SSU72: variants seen among roughly 807,000 people sequenced by gnomAD.
SSU72 encodes RNA polymerase II subunit A C-terminal domain phosphatase SSU72.
In SSU72, 12 loss-of-function variants were observed where a neutral mutation model predicts 22.7. That is an observed-to-expected ratio of 0.53 (90% CI 0.34 to 0.86). The LOEUF is 0.86. SSU72 is among the 40% of genes least tolerant of loss of function. The pLI is 0.02. For synonymous variants in SSU72, 116 were observed against 98.3 expected (o/e 1.18, Z -1.06); for missense variants, 151 against 249.8 (o/e 0.60, Z 2.67).
At chr1:1,571,609 G>T (rs1156548391) in intron 1 of SSU72, among the ~76,000 whole-genome samples, 1 of 152,084 alleles carries the variant, frequency 6.6e-6, no homozygotes, top group Non-Finnish European at 1.5e-5. Flanking sequence ...GCACACCCAA[G>T]AATTCATTAT....
intron 2 of SSU72, among the ~76,000 whole-genome samples, chr1:1,547,784 T>C (rs531159367): frequency 2.6e-5 from 4 of 152,254 alleles, no homozygotes; most frequent in Non-Finnish European, 4.4e-5. Context: ...CTTCAAGTCA[T>C]GGGGAAATCC....
intron 2 of SSU72, chr1:1,562,020 A>T (rs1209099162): frequency 6.6e-6 from 1 of 152,248 alleles, no homozygotes. Flanking sequence ...CCCTCTGTAA[A>T]GGAGGAGCTT....
At position 1,574,561 on chromosome 1, in the gene SSU72, G is replaced by A; in HGVS notation, c.-4C>T. 3 of 1,584,572 alleles carry A rather than the reference G, an allele frequency of 1.9e-6. No individual in the cohort carries two copies. The highest frequency in any genetic ancestry group is 1.1e-5 in the South Asian group (1 of 87,678). On this transcript the variant is annotated 5_prime_UTR_variant, in exon 1 of 5. Transcript: ENST00000291386. ...CCCGCAGCGGGGACGACGGCATGGC[G>A]GCGGCCGCAAATCCCGCGGCTCTCC...
chr1:1,573,272 A>C (rs1370527589), intron 1 of SSU72, among the ~76,000 whole-genome samples: 2 of 151,294 alleles, frequency 1.3e-5, no homozygotes, highest in Non-Finnish European at 2.9e-5. Context: ...ATACAAAAAA[A>C]AAAAAAAATT....
At chr1:1,559,342 G>T (rs1262518599) in intron 2 of SSU72, among the ~76,000 whole-genome samples, 4 of 152,154 alleles carry the variant, frequency 2.6e-5, no homozygotes, top group Non-Finnish European at 4.4e-5. Flanking sequence ...ACGGCCTTGG[G>T]AGACGAAAAG....
At position 1,542,132 on chromosome 1, in the gene SSU72, G is replaced by T. The variant is rs572352802; in HGVS notation, c.519C>A (p.Asp173Glu). The change falls in exon 5 of 5, where the codon GAC (aspartate) becomes GAA (glutamate). Residue 173 changes from aspartate (D) to glutamate (E), a missense_variant. By Grantham distance (45) the Asp-to-Glu change is conservative. Transcript: ENST00000291386. The surrounding 1 kb of genome is among the most constrained non-coding windows in gnomAD (Gnocchi z 4.4). ...TCTCCTCGAACTCCTGCAGCAGCTCGTCGATCTCGTTCTCCATGTCTTCCG... is the reference window on the plus strand; with the variant it reads ...TCTCCTCGAACTCCTGCAGCAGCTCTTCGATCTCGTTCTCCATGTCTTCCG... ...QHTEDMENEI[D>E]ELLQEFEEKS... is the part of the protein sequence containing the mutation. 1.3e-6 allele frequency: 2 copies of T among 1,593,738 alleles called. No individual in the cohort carries two copies. The highest frequency in any genetic ancestry group is 1.7e-6 in the Non-Finnish European group (2 of 1,170,384).
At chr1:1,560,903 C>T (rs1424479972) in intron 2 of SSU72, 2 of 152,232 alleles carry the variant, frequency 1.3e-5, no homozygotes, top group Non-Finnish European at 2.9e-5. Flanking sequence ...AAAACACTGT[C>T]TCGGGCTCAG....
At chr1:1,556,645 C>T (rs1440763650) in intron 2 of SSU72, among the ~76,000 whole-genome samples, 1 of 152,258 alleles carries the variant, frequency 6.6e-6, no homozygotes, top group African/African-American at 2.4e-5. Flanking sequence ...TCATGGCCAT[C>T]TCTGGAGCTG....
At chr1:1,568,554 CG>C (rs1322025069) in intron 1 of SSU72, among the ~76,000 whole-genome samples, 2 of 151,364 alleles carry the variant, frequency 1.3e-5, no homozygotes, top group African/African-American at 4.9e-5. Context: ...CAGTGGGCCC[CG>C]TGATGGTGCC....
chr1:1,549,003 T>C (rs1413695590), intron 2 of SSU72, among the ~76,000 whole-genome samples: 1 of 152,112 alleles, frequency 6.6e-6, no homozygotes, highest in African/African-American at 2.4e-5. Context: ...CCTTGGGCTG[T>C]GACACATACC....
At chr1:1,573,443 AAAAAAAAAAAAAAG>A (rs1642764297) in intron 1 of SSU72, among the ~76,000 whole-genome samples, 1 of 46,348 alleles carries the variant, frequency 2.2e-5, no homozygotes, top group African/African-American at 4.8e-4. Context: ...AAAAAAAAAA[AAAAAAAAAAAAAAG>A]AAAGAAAAGA....
chr1:1,574,078 G>C (rs1411621599), intron 1 of SSU72, among the ~76,000 whole-genome samples: 1 of 151,688 alleles, frequency 6.6e-6, no homozygotes, highest in Non-Finnish European at 1.5e-5. Context: ...ATTAAAAAAA[G>C]AGACCGCTTT....
At chr1:1,562,999 T>C (rs1242840895) in intron 2 of SSU72, 1 of 152,462 alleles carries the variant, frequency 6.6e-6, no homozygotes, top group African/African-American at 2.4e-5. Flanking sequence ...CTCTCCACCG[T>C]GGGACGCCCA....
chr1:1,542,126 C>T lies in SSU72; in HGVS notation c.525G>A (p.Leu175=), dbSNP rs1391040611. 8 of 1,595,470 alleles carry T rather than the reference C, an allele frequency of 5.0e-6. No individual in the cohort carries two copies. In the South Asian group the frequency reaches 9.1e-5, roughly 18 times the overall value. ...TEDMENEIDE[L]LQEFEEKSGR... is the part of the protein sequence containing the mutation. ...CACTCTTCTCCTCGAACTCCTGCAG[C>T]AGCTCGTCGATCTCGTTCTCCATGT... Residue 175 remains leucine, a synonymous_variant, in exon 5 of 5, where the codon CTG becomes CTA. Coordinates refer to ENST00000291386, the MANE Select transcript of SSU72 (RefSeq NM_014188.3). The surrounding 1 kb of genome is among the most constrained non-coding windows in gnomAD (Gnocchi z 4.4).
intron 2 of SSU72, among the ~76,000 whole-genome samples, chr1:1,553,018 CA>C (rs35241878): frequency 0.43 from 40,397 of 93,956 alleles, 5,864 homozygotes; most frequent in East Asian, 0.7. Context: ...GAGACTGTCT[CA>C]AAAAAAAAAA....
At chr1:1,552,374 G>A (rs1642464831) in intron 2 of SSU72, among the ~76,000 whole-genome samples, 1 of 152,242 alleles carries the variant, frequency 6.6e-6, no homozygotes, top group South Asian at 2.1e-4. Context: ...GGGACCGGGA[G>A]GTGCTGGCAG....
chr1:1,568,593 G>A (rs968953727), intron 1 of SSU72, among the ~76,000 whole-genome samples: 2 of 152,016 alleles, frequency 1.3e-5, no homozygotes, highest in African/African-American at 2.4e-5. Context: ...GTGACAAAGT[G>A]AGACTCTGTC....
At chr1:1,556,409 G>A (rs1352700863) in intron 2 of SSU72, among the ~76,000 whole-genome samples, 1 of 152,110 alleles carries the variant, frequency 6.6e-6, no homozygotes, top group Non-Finnish European at 1.5e-5. Context: ...ACGTGGTGGG[G>A]GGCGCCCGTA....
intron 1 of SSU72, among the ~76,000 whole-genome samples, chr1:1,568,269 G>A (rs1046259203): frequency 6.6e-6 from 1 of 152,136 alleles, no homozygotes; most frequent in South Asian, 2.1e-4. Flanking sequence ...TAATCTTCCA[G>A]ACAAGTATTT....
Sources: allele counts gnomAD v4.1 joint callset (sites outside exome capture counted in the v4.1 genomes callset), GRCh38; gene constraint gnomAD v4.1.1; non-coding constraint Gnocchi (gnomAD v3.1); transcripts MANE v1.5; gene names NCBI Gene and HGNC (gene_info 2026-07-23, HGNC 2026-07-21).